ANKS1B: variants seen among roughly 807,000 people sequenced by gnomAD.
ANKS1B encodes the protein ankyrin repeat and sterile alpha motif domain containing 1B.
ANKS1B carries 36 observed loss-of-function variants against 148.3 expected under a neutral mutation model. That is an observed-to-expected ratio of 0.24 (90% CI 0.19 to 0.32). The LOEUF (loss-of-function observed/expected upper bound fraction) is 0.32. Among genes scored for constraint, ANKS1B ranks in the 10% least tolerant of loss-of-function variants. ANKS1B has a pLI of 1.00. For missense variants in ANKS1B, 1,157 were observed against 1,542.6 expected, an observed-to-expected ratio of 0.75 and a Z score of 4.19; for synonymous variants, 542 against 560.8, an observed-to-expected ratio of 0.97 and a Z score of 0.47.
chr12:99,258,610 G>GTTTTTTTTTTTTTT (rs56955440), intron 12 of ANKS1B, among the ~76,000 whole-genome samples: 1 of 134,798 alleles, frequency 7.4e-6, no homozygotes, highest in Non-Finnish European at 1.6e-5. Flanking sequence ...TTATCCACTT[G>GTTTTTTTTTTTTTT]TTTTTTTTTT....
intron 8 of ANKS1B, among the ~76,000 whole-genome samples, chr12:99,750,591 G>A (rs1452467811): frequency 6.6e-6 from 1 of 152,002 alleles, no homozygotes; most frequent in Non-Finnish European, 1.5e-5. Context: ...TCCTAGTCTT[G>A]CAGTTTGGGA....
intron 1 of ANKS1B, among the ~76,000 whole-genome samples, chr12:99,929,712 A>T (rs1481306325): frequency 6.6e-6 from 1 of 152,216 alleles, no homozygotes; most frequent in African/African-American, 2.4e-5. Context: ...AGCCTTCTAC[A>T]TGTGGCTAGC....
chr12:99,589,595 C>A (rs74960223), intron 9 of ANKS1B, among the ~76,000 whole-genome samples: 15 of 152,168 alleles, frequency 9.9e-5, no homozygotes, highest in Non-Finnish European at 1.8e-4. Flanking sequence ...AACAACTTGG[C>A]AATCTATACA....
At chr12:99,556,525 G>C in intron 9 of ANKS1B, among the ~76,000 whole-genome samples, 1 of 151,976 alleles carries the variant, frequency 6.6e-6, no homozygotes, top group Admixed American at 6.6e-5. Flanking sequence ...GTTCCTCTAG[G>C]TGTGATGTTA....
chr12:99,156,618 T>C (rs1242937064), intron 14 of ANKS1B, among the ~76,000 whole-genome samples: 1 of 152,196 alleles, frequency 6.6e-6, no homozygotes, highest in East Asian at 1.9e-4. Context: ...GTTGGTTTTA[T>C]TATGTCCCCA....
chr12:99,444,850 C>T (rs1344491853), intron 10 of ANKS1B, among the ~76,000 whole-genome samples: 6 of 151,976 alleles, frequency 3.9e-5, no homozygotes, highest in Non-Finnish European at 8.8e-5. Flanking sequence ...TTTCTCTGTT[C>T]CTGATCGCTG....
At chr12:99,527,349 T>C (rs1166055012) in intron 9 of ANKS1B, among the ~76,000 whole-genome samples, 2 of 152,092 alleles carry the variant, frequency 1.3e-5, no homozygotes, top group Non-Finnish European at 2.9e-5. Flanking sequence ...TTCCCAAAAG[T>C]GTAATAGGTA....
chr12:98,957,880 T>C (rs536653845), intron 17 of ANKS1B, among the ~76,000 whole-genome samples: 4 of 152,302 alleles, frequency 2.6e-5, no homozygotes, highest in African/African-American at 4.8e-5. Context: ...ACTGCCTTTA[T>C]AGACACCTGC....
intron 14 of ANKS1B, among the ~76,000 whole-genome samples, chr12:99,213,737 G>T (rs952350739): frequency 3.3e-5 from 5 of 152,168 alleles, no homozygotes; most frequent in Non-Finnish European, 7.3e-5. Context: ...TTAACATTCT[G>T]TAATGGGAAT....
chr12:99,358,702 C>CAT (rs544023797), intron 12 of ANKS1B, among the ~76,000 whole-genome samples: 138 of 152,020 alleles, frequency 9.1e-4, no homozygotes, highest in African/African-American at 3.2e-3. Flanking sequence ...CACACACACA[C>CAT]ACACAGGCAC....
At chr12:99,589,955 T>C (rs918746423) in intron 9 of ANKS1B, among the ~76,000 whole-genome samples, 1 of 152,166 alleles carries the variant, frequency 6.6e-6, no homozygotes, top group African/African-American at 2.4e-5. Flanking sequence ...GCAACTATTA[T>C]GTATCCACAT....
chr12:99,723,878 T>C (rs757902158), intron 8 of ANKS1B, among the ~76,000 whole-genome samples: 3 of 151,966 alleles, frequency 2.0e-5, no homozygotes, highest in Non-Finnish European at 4.4e-5. Flanking sequence ...CTGAAGTGAA[T>C]GCCCAGCAAA....
At chr12:99,459,035 C>T (rs947249625) in intron 10 of ANKS1B, among the ~76,000 whole-genome samples, 1 of 151,942 alleles carries the variant, frequency 6.6e-6, no homozygotes, top group Non-Finnish European at 1.5e-5. Context: ...TAACTGAATC[C>T]TACAGCATAT....
Position 99,904,607 on chromosome 12 carries a change from C to T in ANKS1B, c.135-79218G>A, listed in dbSNP as rs140456898. Among the ~76,000 whole-genome samples the T allele has an allele frequency of 5.3e-5, 8 of 152,338 alleles. No homozygotes were observed. In the South Asian group the frequency reaches 1.7e-3, roughly 32 times the overall value. On this transcript the variant is annotated intron_variant, in intron 1 of 26. Coordinates refer to ENST00000683438, the MANE Select transcript of ANKS1B (RefSeq NM_001352186.2). ...CCTACTTGAGTGCCAACTCCCACTT[C>T]ACATATGCACTACAGTTAAGACTCA...
intron 17 of ANKS1B, among the ~76,000 whole-genome samples, chr12:98,959,741 C>T (rs1024870184): frequency 4.6e-5 from 7 of 152,164 alleles, no homozygotes; most frequent in Non-Finnish European, 1.0e-4. Context: ...TGGGCCAGAA[C>T]GGAGCCCATT....
At chr12:98,808,950 G>T (rs143156421) in intron 19 of ANKS1B, among the ~76,000 whole-genome samples, 120 of 152,294 alleles carry the variant, frequency 7.9e-4, no homozygotes, top group African/African-American at 2.7e-3. Flanking sequence ...GCCCGGCAAA[G>T]AACTGTATCA....
At chr12:99,833,608 A>C (rs1283232618) in intron 1 of ANKS1B, among the ~76,000 whole-genome samples, 1 of 152,156 alleles carries the variant, frequency 6.6e-6, no homozygotes, top group Non-Finnish European at 1.5e-5. Flanking sequence ...ATCTTCTGGC[A>C]GGAGCCAAGT....
At chr12:99,952,836 T>C (rs1399415260) in intron 1 of ANKS1B, among the ~76,000 whole-genome samples, 2 of 152,230 alleles carry the variant, frequency 1.3e-5, no homozygotes, top group African/African-American at 4.8e-5. Context: ...TGTTAAGATC[T>C]CTCTTCTGCT....
intron 9 of ANKS1B, among the ~76,000 whole-genome samples, chr12:99,597,960 G>A (rs2097771269): frequency 6.6e-6 from 1 of 151,914 alleles, no homozygotes; most frequent in Admixed American, 6.6e-5. Flanking sequence ...CTCTCAGATG[G>A]CCTACCTCTG....
Sources: allele counts gnomAD v4.1 joint callset (sites outside exome capture counted in the v4.1 genomes callset), GRCh38; gene constraint gnomAD v4.1.1; transcripts MANE v1.5; gene names NCBI Gene and HGNC (gene_info 2026-07-23, HGNC 2026-07-21).